PSMC4: variants seen among roughly 807,000 people sequenced by gnomAD.
PSMC4 encodes proteasome 26S subunit, ATPase 4, also known as 26S proteasome regulatory subunit 6B.
PSMC4 carries 13 observed loss-of-function variants against 48.4 expected under a neutral mutation model. The observed-to-expected ratio is 0.27, with a 90% CI of 0.18 to 0.43. The LOEUF is 0.43. Among genes scored for constraint, PSMC4 ranks in the 20% least tolerant of loss-of-function variants. PSMC4 has a pLI of 1.00. For synonymous variants in PSMC4, 202 were observed against 212.3 expected, an observed-to-expected ratio of 0.95 and a Z score of 0.42; for missense variants, 262 against 555.9, an observed-to-expected ratio of 0.47 and a Z score of 5.32.
In PSMC4 at chr19:39,981,362, G is replaced by C. The variant is rs1032620699; in HGVS notation, c.*57G>C. 2 of 1,286,194 alleles carry C rather than the reference G, an allele frequency of 1.6e-6. No homozygotes were observed. The highest frequency in any genetic ancestry group is 2.3e-5 in the East Asian group (1 of 43,240). The allele number at this position is 1,286,194 out of a possible 1,614,324, so 79.7% of individuals were successfully genotyped here. On this transcript the variant is annotated 3_prime_UTR_variant, in exon 11 of 11. Coordinates refer to ENST00000157812, the MANE Select transcript of PSMC4 (RefSeq NM_006503.4). ...GGCTGGGGCTTCTCTCGCACCCCCA[G>C]CACCTCTGTCCCAAAACCTCATTCC...
intron 6 of PSMC4, among the ~76,000 whole-genome samples, chr19:39,976,819 C>G (rs1246065400): frequency 7.1e-6 from 1 of 141,024 alleles, no homozygotes; most frequent in Admixed American, 7.3e-5. Flanking sequence ...CGTAAACCTT[C>G]TTAAAACATG....
chr19:39,972,455 T>G lies in PSMC4; in HGVS notation c.222T>G (p.His74Gln), dbSNP rs35555615. Residue 74 changes from histidine to glutamine, a missense_variant, in exon 3 of 11, where the codon CAT becomes CAG. By Grantham distance (24) the His-to-Gln change is conservative (BLOSUM62 0). Transcript: ENST00000157812. ...EQKNLKKEFL[H>Q]AQEEVKRIQS... ...AGAACCTGAAAAAGGAATTTCTCCA[T>G]GCCCAGGAGGAGGTGAAGCGAATCC... 6.2e-7 allele frequency: 1 copy of G among 1,613,994 alleles called. No homozygotes were observed. The highest frequency in any genetic ancestry group is 8.5e-7 in the Non-Finnish European group (1 of 1,180,018).
Position 39,971,173 on chromosome 19 carries a change from C to A in PSMC4, c.-30C>A. On this transcript the variant is annotated 5_prime_UTR_variant, in exon 1 of 11. Transcript: ENST00000157812. The stretch of plus-strand genomic sequence containing the variant: ...TCAGCGGAAGCGGTGACAGATCATC[C>A]CAGGCCACACAGAGGCCGGCTTGGT... 6.2e-7 allele frequency: 1 copy of A among 1,613,776 alleles called. No homozygotes were observed.
chr19:39,976,492 G>A (rs1009158680), intron 6 of PSMC4, among the ~76,000 whole-genome samples: 17 of 147,574 alleles, frequency 1.2e-4, no homozygotes, highest in Admixed American at 1.3e-4. Flanking sequence ...AATGTGGCCC[G>A]ACACAGATTC....
In PSMC4 at chr19:39,980,776, G is replaced by C; in HGVS notation, c.1143+59G>C. The C allele has an allele frequency of 6.5e-7, 1 of 1,544,950 alleles. No individual in the cohort carries two copies. The highest frequency in any genetic ancestry group is 8.9e-7 in the Non-Finnish European group (1 of 1,117,530). On this transcript the variant is annotated intron_variant, in intron 10 of 10. Coordinates refer to ENST00000157812, the MANE Select transcript of PSMC4 (RefSeq NM_006503.4). The surrounding 1 kb of genome is among the most constrained non-coding windows in gnomAD (Gnocchi z 4.8). ...GGGTGTGTGAGGACCCTTCTTCTCT[G>C]AACCACTCTGCTGCAGTCCTGTCCC...
chr19:39,978,137 G>C (rs1228531498), intron 6 of PSMC4, among the ~76,000 whole-genome samples: 1 of 152,128 alleles, frequency 6.6e-6, no homozygotes, highest in Admixed American at 6.6e-5. Context: ...TTTTCGGGGG[G>C]AATTCATCTA....
chr19:39,976,421 AAAG>A (rs1971200241), intron 6 of PSMC4, among the ~76,000 whole-genome samples: 1 of 147,334 alleles, frequency 6.8e-6, no homozygotes, highest in Non-Finnish European at 1.5e-5. Context: ...AAAAAAAAAA[AAAG>A]AATAGAGACG....
chr19:39,979,570 A>G, intron 6 of PSMC4: 1 of 340,590 alleles, frequency 2.9e-6, no homozygotes. Context: ...CCAAAAAAAA[A>G]AAAAAAGTGA....
intron 6 of PSMC4, among the ~76,000 whole-genome samples, chr19:39,976,223 C>G (rs1235966073): frequency 2.3e-5 from 3 of 129,010 alleles, no homozygotes; most frequent in Non-Finnish European, 3.2e-5. Context: ...GGCGACAAAG[C>G]AAGACTCCAT....
At chr19:39,972,051 G>C in intron 1 of PSMC4, 95 bp from the exon 2 acceptor site, 1 of 1,157,436 alleles carries the variant, frequency 8.6e-7, no homozygotes, top group Non-Finnish European at 1.3e-6. Context: ...AGTGACATCA[G>C]GGTGAAGTGG....
At chr19:39,973,847 C>T (rs1479836185) in intron 3 of PSMC4, among the ~76,000 whole-genome samples, 4 of 152,084 alleles carry the variant, frequency 2.6e-5, no homozygotes, top group African/African-American at 7.2e-5. Context: ...AGGGTGGTAT[C>T]CAGGATGAGG....
intron 2 of PSMC4, 24 bp from the exon 3 acceptor site, chr19:39,972,345 C>CA (rs1971115030): frequency 6.2e-7 from 1 of 1,612,802 alleles, no homozygotes; most frequent in African/African-American, 1.3e-5. Context: ...GAGCCATCCC[C>CA]TTCTGTCCCC....
rs571861723 is a variant in PSMC4 at position 39,971,215 on chromosome 19, G to C, written c.13G>C (p.Gly5Arg). The C allele has an allele frequency of 1.2e-6, 2 of 1,614,202 alleles. No homozygotes were observed. The highest frequency in any genetic ancestry group is 1.1e-5 in the South Asian group (1 of 91,074). Residue 5 changes from glycine to arginine, a missense_variant, in exon 1 of 11, where the codon GGC (glycine) becomes CGC (arginine). By Grantham distance (125) the Gly-to-Arg change is moderately radical. Around this residue, in one of 4 missense-constraint regions of PSMC4, gnomAD observed 33 missense variants for 35.5 expected, o/e 0.93. Coordinates refer to ENST00000157812, the MANE Select transcript of PSMC4 (RefSeq NM_006503.4). ...CGGCTTGGTCACTATGGAGGAGATAGGCATCTTGGTGGAGAAGGCTCAGGT... is the reference window on the plus strand; with the variant it reads ...CGGCTTGGTCACTATGGAGGAGATACGCATCTTGGTGGAGAAGGCTCAGGT... MEEI[G>R]ILVEKAQDEI...
chr19:39,976,242 A>AC (rs1484412227), intron 6 of PSMC4, among the ~76,000 whole-genome samples: 35 of 5,016 alleles, frequency 7.0e-3, no homozygotes, highest in African/African-American at 0.019. Context: ...ATCTCCAAAA[A>AC]AAATATATAT....
At position 39,974,226 on chromosome 19, in the gene PSMC4, G is replaced by A. The variant is rs1360476271; in HGVS notation, c.323-68G>A. The A allele has an allele frequency of 1.9e-6, 3 of 1,581,292 alleles. No homozygotes were observed. In the African/African-American group the frequency reaches 4.0e-5, roughly 21 times the overall value. ...AGAGATGTTGGGGTGTGGAGATTAG[G>A]AGGGAGGAAGGGGGAAGGGGCAGTT... On this transcript the variant is annotated intron_variant, in intron 3 of 10. Coordinates refer to ENST00000157812, the MANE Select transcript of PSMC4 (RefSeq NM_006503.4). The surrounding 1 kb of genome is among the most constrained non-coding windows in gnomAD (Gnocchi z 5.5).
chr19:39,974,328 C>G lies in PSMC4; in HGVS notation c.357C>G (p.Ile119Met). 1 of 1,614,144 alleles carries G rather than the reference C, an allele frequency of 6.2e-7. No homozygotes were observed. Among genetic ancestry groups the G allele is most frequent in the Non-Finnish European group, 8.5e-7 (1 of 1,180,030 alleles). The stretch of plus-strand genomic sequence containing the variant: ...ATTATGTGCGCATCCTGAGCACCAT[C>G]GATCGGGAGCTGCTCAAGCCCAACG... ...SNYYVRILSTIDRELLKPNAS... is the reference protein window; with the variant it reads ...SNYYVRILSTMDRELLKPNAS... Residue 119 changes from isoleucine to methionine, a missense_variant, in exon 4 of 11, where the codon ATC becomes ATG. Coordinates refer to ENST00000157812, the MANE Select transcript of PSMC4 (RefSeq NM_006503.4). This position sits in a 1 kb window ranked among gnomAD's most constrained non-coding sequence, Gnocchi z 5.5.
In PSMC4 at chr19:39,974,456, G is replaced by A. The variant is rs1478509310; in HGVS notation, c.469+16G>A. Reference sequence around the variant, plus strand: ...CTCACCTCAGGTAAAGGGGGAGCCTGCAGCTGGGAGGGCCCCATGGGGACC... The same window carrying A: ...CTCACCTCAGGTAAAGGGGGAGCCTACAGCTGGGAGGGCCCCATGGGGACC... On this transcript the variant is annotated intron_variant, in intron 4 of 10. Transcript: ENST00000157812. This position sits in a 1 kb window ranked among gnomAD's most constrained non-coding sequence, Gnocchi z 5.5. The A allele has an allele frequency of 1.2e-6, 2 of 1,613,594 alleles. No homozygotes were observed. The highest frequency in any genetic ancestry group is 1.7e-6 in the Non-Finnish European group (2 of 1,179,740).
chr19:39,980,202 G>C lies in PSMC4; in HGVS notation c.918+56G>C, dbSNP rs1971266028. ...GTGGTGTAGGAACTGGGGAAAGTTG[G>C]GGGCTGGCACCTAAGGGGTGGTTAT... On this transcript the variant is annotated intron_variant, in intron 8 of 10. Transcript: ENST00000157812. The surrounding 1 kb of genome is among the most constrained non-coding windows in gnomAD (Gnocchi z 4.8). 5 of 1,613,728 alleles carry C rather than the reference G, an allele frequency of 3.1e-6. No individual in the cohort carries two copies. Among genetic ancestry groups the C allele is most frequent in the Non-Finnish European group, 4.2e-6 (5 of 1,179,760 alleles).
rs1459179357 is a variant in PSMC4 at position 39,980,765 on chromosome 19, CCTT to C, written c.1143+54_1143+56del. The C allele has an allele frequency of 3.2e-6, 5 of 1,582,344 alleles. No homozygotes were observed. Among genetic ancestry groups the C allele is most frequent in the East Asian group, 2.2e-5 (1 of 44,704 alleles). Reference sequence around the variant, plus strand: ...ATCCAGGCAGCGGGTGTGTGAGGACCCTTCTTCTCTGAACCACTCTGCTGCAGT... The same window carrying C: ...ATCCAGGCAGCGGGTGTGTGAGGACCCTTCTCTGAACCACTCTGCTGCAGT... On this transcript the variant is annotated intron_variant, in intron 10 of 10. Transcript: ENST00000157812. This position sits in a 1 kb window ranked among gnomAD's most constrained non-coding sequence, Gnocchi z 4.8.
Sources: gnomAD v4.1 joint callset for allele counts (sites outside exome capture counted in the v4.1 genomes callset) on GRCh38, gnomAD v4.1.1 for gene constraint, gnomAD v4.1.1 regional missense constraint, Gnocchi (gnomAD v3.1) non-coding constraint, MANE v1.5 for transcripts, NCBI Gene and HGNC (gene_info 2026-07-23, HGNC 2026-07-21) for gene names.